Variants in ZBTB20 observed in about 807,000 individuals in gnomAD.
ZBTB20 encodes the protein zinc finger and BTB domain-containing protein 20.
In ZBTB20, 9 loss-of-function variants were observed where a neutral mutation model predicts 56.9. The ratio of observed to expected loss-of-function variants is 0.16; its 90% CI spans 0.10 to 0.28. ZBTB20 has a LOEUF of 0.28. ZBTB20 is among the 10% of genes least tolerant of loss of function. The pLI is 1.00. For synonymous variants in ZBTB20, 417 were observed against 420.7 expected (o/e 0.99, Z 0.11); for missense variants, 655 against 1,003.0 (o/e 0.65, Z 4.69).
chr3:114,701,751 T>C (rs538320328), intron 5 of ZBTB20, among the ~76,000 whole-genome samples: 1 of 151,056 alleles, frequency 6.6e-6, no homozygotes, highest in African/African-American at 2.4e-5. Context: ...ACCATCTAAC[T>C]GAAAAAAAAA....
At chr3:114,729,682 T>C (rs1274019911) in intron 5 of ZBTB20, among the ~76,000 whole-genome samples, 3 of 152,168 alleles carry the variant, frequency 2.0e-5, no homozygotes, top group Non-Finnish European at 4.4e-5. Flanking sequence ...AATTTTTGAA[T>C]ACTAAAGGAA....
chr3:114,991,350 C>T (rs2078800670), intron 2 of ZBTB20, among the ~76,000 whole-genome samples: 1 of 152,120 alleles, frequency 6.6e-6, no homozygotes. Context: ...TTTCTGCCTT[C>T]ATTTCGTTAG....
rs535868293 is a variant in ZBTB20 at position 114,979,050 on chromosome 3, C to A, written c.-506-4634G>T. Reference sequence around the variant, plus strand: ...AGGTATCGTGAGGAAGGGAAGAGAACAACAAAGAAAGAAAAATAGGATTTA... The same window carrying A: ...AGGTATCGTGAGGAAGGGAAGAGAAAAACAAAGAAAGAAAAATAGGATTTA... On this transcript the variant is annotated intron_variant, in intron 2 of 11. Coordinates refer to ENST00000675478, the MANE Select transcript of ZBTB20 (RefSeq NM_001348800.3). Among the ~76,000 whole-genome samples the A allele has an allele frequency of 1.9e-4, 29 of 151,448 alleles. No individual in the cohort carries two copies. In the South Asian group the frequency reaches 4.8e-3, roughly 25 times the overall value.
At chr3:114,792,871 T>G (rs1483016803) in intron 5 of ZBTB20, among the ~76,000 whole-genome samples, 1 of 84,818 alleles carries the variant, frequency 1.2e-5, no homozygotes, top group Non-Finnish European at 2.1e-5. Flanking sequence ...TTTCTTTTTC[T>G]TTTTCTTTTT....
At chr3:114,513,349 A>C (rs762617423) in intron 6 of ZBTB20, among the ~76,000 whole-genome samples, 5 of 152,216 alleles carry the variant, frequency 3.3e-5, no homozygotes, top group Non-Finnish European at 7.3e-5. Context: ...TGTATTTCTA[A>C]ACAGTGGAGG....
intron 4 of ZBTB20, among the ~76,000 whole-genome samples, chr3:114,824,101 AG>A (rs542015035): frequency 2.6e-5 from 4 of 152,020 alleles, no homozygotes; most frequent in Non-Finnish European, 5.9e-5. Flanking sequence ...GTGAAAAATA[AG>A]TATATGCATT....
At chr3:115,018,306 T>A (rs866926997) in intron 2 of ZBTB20, among the ~76,000 whole-genome samples, 1 of 151,316 alleles carries the variant, frequency 6.6e-6, no homozygotes, top group African/African-American at 2.4e-5. Flanking sequence ...AGTTAGAAAA[T>A]TTTTTAACAA....
At position 114,327,603 on chromosome 3, in the gene ZBTB20, C is replaced by T. The variant is rs2079104062; in HGVS notation, c.*11402G>A. ...TAGATGCATGCCTCATAAAGGCTTTCAAAACTGCTATTTATTTCATTGTTC... is the reference window on the plus strand; with the variant it reads ...TAGATGCATGCCTCATAAAGGCTTTTAAAACTGCTATTTATTTCATTGTTC... On this transcript the variant is annotated 3_prime_UTR_variant, in exon 12 of 12. Transcript: ENST00000675478. 1.3e-5 allele frequency: 2 copies of T among 152,012 alleles called. No homozygotes were observed. Among genetic ancestry groups the T allele is most frequent in the Non-Finnish European group, 2.9e-5 (2 of 67,986 alleles). 9.4% of individuals were successfully genotyped at this position (152,012 alleles called of 1,614,324 possible). A position where few individuals can be genotyped will look rare whatever the true frequency, so the allele number is the denominator to read the frequency against.
intron 2 of ZBTB20, among the ~76,000 whole-genome samples, chr3:115,009,681 G>A (rs745611930): frequency 3.3e-5 from 5 of 151,778 alleles, no homozygotes; most frequent in African/African-American, 4.8e-5. Context: ...AGGTCATGAG[G>A]GCTCCACACT....
At chr3:114,429,868 C>T (rs1016797679) in intron 7 of ZBTB20, among the ~76,000 whole-genome samples, 1 of 150,722 alleles carries the variant, frequency 6.6e-6, no homozygotes, top group Non-Finnish European at 1.5e-5. Flanking sequence ...GGGTTATATG[C>T]AAATACTATC....
intron 8 of ZBTB20, among the ~76,000 whole-genome samples, chr3:114,382,630 A>G (rs79820152): frequency 0.02 from 3,015 of 152,234 alleles, 111 homozygotes; most frequent in African/African-American, 0.067. Flanking sequence ...CACTCCCCAC[A>G]GTGAATTCCT....
chr3:114,445,698 T>A (rs1427127468), intron 7 of ZBTB20: 2 of 152,200 alleles, frequency 1.3e-5, no homozygotes, highest in Non-Finnish European at 2.9e-5. Context: ...GAGAGATTTT[T>A]GTAAACTTGG....
At chr3:114,967,888 C>T (rs972633552) in intron 3 of ZBTB20, among the ~76,000 whole-genome samples, 7 of 150,538 alleles carry the variant, frequency 4.6e-5, no homozygotes, top group African/African-American at 9.8e-5. Context: ...ACCCAGGAGG[C>T]GGAGGTTGCA....
At chr3:114,390,697 C>A (rs17614981) in intron 7 of ZBTB20, among the ~76,000 whole-genome samples, 54,073 of 152,068 alleles carry the variant, frequency 0.36, 10,017 homozygotes, top group Non-Finnish European at 0.41. Context: ...GAGCTGCACA[C>A]CCACATTCTA....
chr3:115,017,946 T>G (rs962491179), intron 2 of ZBTB20, among the ~76,000 whole-genome samples: 1 of 151,598 alleles, frequency 6.6e-6, no homozygotes, highest in African/African-American at 2.4e-5. Flanking sequence ...GTTATTTCTG[T>G]GCTGGCAAGA....
intron 1 of ZBTB20, among the ~76,000 whole-genome samples, chr3:115,112,981 G>A (rs573621344): frequency 6.6e-6 from 1 of 152,062 alleles, no homozygotes; most frequent in South Asian, 2.1e-4. Context: ...TTTAATAATA[G>A]CCATTCTGAC....
intron 7 of ZBTB20, among the ~76,000 whole-genome samples, chr3:114,402,483 C>T (rs1171293853): frequency 6.6e-6 from 1 of 152,138 alleles, no homozygotes; most frequent in Non-Finnish European, 1.5e-5. Context: ...AAAACTCCTA[C>T]TACTGTTCTC....
At chr3:114,572,078 A>G (rs1263618056) in intron 6 of ZBTB20, among the ~76,000 whole-genome samples, 1 of 151,508 alleles carries the variant, frequency 6.6e-6, no homozygotes, top group African/African-American at 2.4e-5. Context: ...AAACTACGAG[A>G]CAAAGATGAT....
At chr3:114,706,112 T>C (rs2063703641) in intron 5 of ZBTB20, among the ~76,000 whole-genome samples, 1 of 151,978 alleles carries the variant, frequency 6.6e-6, no homozygotes, top group South Asian at 2.1e-4. Flanking sequence ...AGAGACAGAC[T>C]TGAGTTTGAA....
Sources: gnomAD v4.1 joint callset for allele counts (sites outside exome capture counted in the v4.1 genomes callset) on GRCh38, gnomAD v4.1.1 for gene constraint, MANE v1.5 for transcripts, NCBI Gene and HGNC (gene_info 2026-07-23, HGNC 2026-07-21) for gene names.